Variants in APBA2 observed in about 807,000 individuals in gnomAD.
The protein encoded by APBA2 is amyloid-beta A4 precursor protein-binding family A member 2.
Under a neutral mutation model 75.0 loss-of-function variants are expected in APBA2, and 30 were observed. That is an observed-to-expected ratio of 0.40 (90% CI 0.30 to 0.54). The LOEUF is 0.54. Among genes scored for constraint, APBA2 ranks in the 20% least tolerant of loss-of-function variants. The pLI is 0.49. For synonymous variants in APBA2, 444 were observed against 409.6 expected, an observed-to-expected ratio of 1.08 and a Z score of -1.01; for missense variants, 801 against 1,016.1, an observed-to-expected ratio of 0.79 and a Z score of 2.88.
chr15:29,040,201 G>A (rs114334781), intron 3 of APBA2, among the ~76,000 whole-genome samples: 46 of 152,300 alleles, frequency 3.0e-4, no homozygotes, highest in African/African-American at 9.4e-4. Context: ...TGGAGGAACC[G>A]GTTGTTGCAT....
chr15:29,067,068 G>A (rs373153331), intron 4 of APBA2, among the ~76,000 whole-genome samples: 21 of 151,704 alleles, frequency 1.4e-4, no homozygotes, highest in African/African-American at 4.9e-4. Flanking sequence ...GGGGGTTGGA[G>A]GGGGAAGCGC....
chr15:29,060,579 C>G (rs117523294), intron 4 of APBA2, among the ~76,000 whole-genome samples: 16 of 152,078 alleles, frequency 1.1e-4, no homozygotes, highest in African/African-American at 3.9e-4. Context: ...AAAGGCTTGG[C>G]GTGCCCTGTT....
intron 4 of APBA2, among the ~76,000 whole-genome samples, chr15:29,072,968 G>A (rs1474310909): frequency 6.6e-6 from 1 of 152,110 alleles, no homozygotes; most frequent in African/African-American, 2.4e-5. Context: ...CTTAAAGCCC[G>A]GTGCCCGCTC....
chr15:29,041,654 T>C (rs2041053022), intron 3 of APBA2, among the ~76,000 whole-genome samples: 2 of 152,138 alleles, frequency 1.3e-5, no homozygotes. Flanking sequence ...GATATATTTA[T>C]ATTTTGGAAG....
intron 6 of APBA2, 104 bp downstream of exon 6, chr15:29,076,195 C>A: frequency 1.6e-6 from 2 of 1,238,982 alleles, no homozygotes; most frequent in Non-Finnish European, 2.4e-6. Context: ...GTTTACAAAG[C>A]GTGCCTACCT....
At chr15:28,953,957 C>T (rs748903272) in intron 2 of APBA2, among the ~76,000 whole-genome samples, 19 of 152,162 alleles carry the variant, frequency 1.2e-4, no homozygotes, top group African/African-American at 3.4e-4. Context: ...GCTCACCCAG[C>T]GCTTTCCCTT....
At chr15:29,033,529 A>AC (rs2040589102) in intron 3 of APBA2, among the ~76,000 whole-genome samples, 1 of 152,108 alleles carries the variant, frequency 6.6e-6, no homozygotes, top group Non-Finnish European at 1.5e-5. Context: ...CTTACTTCTT[A>AC]CCAGCTGGTC....
At chr15:28,900,164 G>A (rs1299522894) in intron 1 of APBA2, among the ~76,000 whole-genome samples, 1 of 152,170 alleles carries the variant, frequency 6.6e-6, no homozygotes, top group Non-Finnish European at 1.5e-5. Flanking sequence ...CGCCCCGTGG[G>A]TCCTCCCAAC....
intron 1 of APBA2, among the ~76,000 whole-genome samples, chr15:28,908,345 C>G (rs2033246795): frequency 7.4e-6 from 1 of 135,246 alleles, no homozygotes; most frequent in East Asian, 1.9e-4. Flanking sequence ...GAGTCTTGCT[C>G]TGTCGCCCAG....
chr15:29,107,833 C>T (rs531049421), intron 12 of APBA2, among the ~76,000 whole-genome samples: 30 of 152,332 alleles, frequency 2.0e-4, no homozygotes, highest in African/African-American at 6.5e-4. Flanking sequence ...GCAGGAGGTC[C>T]GTCCTTGGAG....
chr15:29,116,500 C>T (rs1460912125), intron 14 of APBA2, among the ~76,000 whole-genome samples: 2 of 151,768 alleles, frequency 1.3e-5, no homozygotes, highest in East Asian at 3.9e-4. Flanking sequence ...TGGTGGCGGG[C>T]ACCTGTAATC....
At chr15:29,004,566 T>G (rs1272199672) in intron 3 of APBA2, among the ~76,000 whole-genome samples, 1 of 152,170 alleles carries the variant, frequency 6.6e-6, no homozygotes, top group African/African-American at 2.4e-5. Context: ...GGCCTCTGTG[T>G]TCTTTATTAG....
intron 4 of APBA2, among the ~76,000 whole-genome samples, chr15:29,056,376 G>C (rs777316944): frequency 3.9e-5 from 6 of 152,118 alleles, no homozygotes; most frequent in Non-Finnish European, 5.9e-5. Flanking sequence ...GAGGATGTCT[G>C]TTCTTCCCAG....
chr15:28,949,897 G>A (rs562254370), intron 2 of APBA2, among the ~76,000 whole-genome samples: 10 of 152,264 alleles, frequency 6.6e-5, no homozygotes, highest in Admixed American at 5.2e-4. Flanking sequence ...TACATCACAC[G>A]GTGCATTTGG....
intron 3 of APBA2, among the ~76,000 whole-genome samples, chr15:29,039,662 C>T (rs2040934289): frequency 6.6e-6 from 1 of 152,154 alleles, no homozygotes; most frequent in Admixed American, 6.5e-5. Flanking sequence ...TGTGGCGTGA[C>T]CTTTCCTGCC....
Position 29,053,986 on chromosome 15 carries a change from G to A in APBA2, c.102G>A (p.Met34Ile). The A allele has an allele frequency of 6.2e-7, 1 of 1,614,060 alleles. No individual in the cohort carries two copies. The highest frequency in any genetic ancestry group is 8.5e-7 in the Non-Finnish European group (1 of 1,180,012). ...GCCAGGAGCCCGAGAGCGAGGACAT[G>A]GAGCTGCCCTTGGAGGGCTATGTGC... Reference protein sequence around the residue: ...PHSQEPESEDMELPLEGYVPE... With the variant: ...PHSQEPESEDIELPLEGYVPE... The change falls in exon 4 of 15, where the codon ATG (methionine) becomes ATA (isoleucine). Residue 34 changes from methionine (M) to isoleucine (I), a missense_variant. This residue lies in a region of APBA2 where 434 missense variants were observed against 471.6 expected (regional missense o/e 0.92). Coordinates refer to ENST00000683413, the MANE Select transcript of APBA2 (RefSeq NM_001353788.2).
At chr15:29,100,310 C>T (rs543414792) in intron 9 of APBA2, among the ~76,000 whole-genome samples, 1 of 152,316 alleles carries the variant, frequency 6.6e-6, no homozygotes, top group Non-Finnish European at 1.5e-5. Context: ...GGTTATGAAA[C>T]AGCCTCATGG....
intron 2 of APBA2, among the ~76,000 whole-genome samples, chr15:28,971,906 A>G (rs2037089194): frequency 6.6e-6 from 1 of 152,222 alleles, no homozygotes; most frequent in African/African-American, 2.4e-5. Context: ...AAGAAAAAGA[A>G]ATAGAAAATG....
At position 28,949,893 on chromosome 15, in the gene APBA2, A is replaced by G. The variant is rs73366800; in HGVS notation, c.-95+28144A>G. ...TTCTCTCTCGTTAACATCTTACATC[A>G]CACGGTGCATTTGGCATAACTGAGG... is the stretch of plus-strand genomic sequence containing the variant. On this transcript the variant is annotated intron_variant, in intron 2 of 14. Coordinates refer to ENST00000683413, the MANE Select transcript of APBA2 (RefSeq NM_001353788.2). 4.8e-3 allele frequency among the ~76,000 whole-genome samples: 729 copies of G among 152,290 alleles called. 6 individuals are homozygous for G. Among genetic ancestry groups the G allele is most frequent in the African/African-American group, 0.017 (692 of 41,564 alleles).
Sources: allele counts gnomAD v4.1 joint callset (sites outside exome capture counted in the v4.1 genomes callset), GRCh38; gene constraint gnomAD v4.1.1; regional missense constraint gnomAD v4.1.1; transcripts MANE v1.5; gene names NCBI Gene and HGNC (gene_info 2026-07-23, HGNC 2026-07-21).